The following CHFR variants were observed in gnomAD, a reference collection of about 807,000 sequenced individuals.
CHFR encodes E3 ubiquitin-protein ligase CHFR.
Under a neutral mutation model 87.6 loss-of-function variants are expected in CHFR, and 57 were observed. The ratio of observed to expected loss-of-function variants is 0.65; its 90% CI spans 0.53 to 0.81. The LOEUF (loss-of-function observed/expected upper bound fraction) is 0.81, where lower values mean the gene tolerates loss of function less well. Among genes scored for constraint, CHFR ranks in the 30% least tolerant of loss-of-function variants. CHFR has a pLI of 0.00. For synonymous variants in CHFR, 381 were observed against 359.2 expected (o/e 1.06, Z -0.69); for missense variants, 797 against 865.8 (o/e 0.92, Z 1.00).
intron 2 of CHFR, among the ~76,000 whole-genome samples, chr12:132,882,158 T>C (rs1009671785): frequency 6.6e-6 from 1 of 152,216 alleles, no homozygotes; most frequent in South Asian, 2.1e-4. Flanking sequence ...CATCCACTGG[T>C]TGTAAACTAA....
intron 12 of CHFR, chr12:132,849,162 T>C (rs1950888072): frequency 6.4e-6 from 1 of 155,636 alleles, no homozygotes; most frequent in Non-Finnish European, 1.4e-5. Context: ...TTGCCCAGGA[T>C]GGTTTCAAAC....
At chr12:132,870,531 CAAAAAAAA>C (rs376516972) in intron 5 of CHFR, among the ~76,000 whole-genome samples, 185 bp downstream of exon 5, 1 of 91,094 alleles carries the variant, frequency 1.1e-5, no homozygotes, top group Non-Finnish European at 2.1e-5. Flanking sequence ...AACTCCGTCT[CAAAAAAAA>C]AAAAAAAAAA....
chr12:132,885,492 T>C (rs1394771368), intron 2 of CHFR, among the ~76,000 whole-genome samples: 1 of 152,134 alleles, frequency 6.6e-6, no homozygotes. Context: ...TGTAGTATTT[T>C]GCTATGGTAG....
At chr12:132,882,416 A>C (rs564910193) in intron 2 of CHFR, among the ~76,000 whole-genome samples, 8 of 152,344 alleles carry the variant, frequency 5.3e-5, no homozygotes, top group African/African-American at 1.9e-4. Flanking sequence ...TCTTGACTGC[A>C]CTGGTGAGTA....
At chr12:132,886,536 T>C (rs1205049444) in intron 2 of CHFR, among the ~76,000 whole-genome samples, 1 of 152,130 alleles carries the variant, frequency 6.6e-6, no homozygotes, top group Non-Finnish European at 1.5e-5. Context: ...TCAGAGGAAA[T>C]CAAACAACCA....
chr12:132,859,818 G>A lies in CHFR; in HGVS notation c.752-591C>T, dbSNP rs533445244. Among the ~76,000 whole-genome samples the A allele has an allele frequency of 8.5e-5, 13 of 152,254 alleles. No homozygotes were observed. The East Asian group carries it at 2.5e-3, about 29-fold the overall frequency. On this transcript the variant is annotated intron_variant, in intron 7 of 17. Transcript: ENST00000450056. The stretch of plus-strand genomic sequence containing the variant: ...GCACTTTGGGAGGCTGAGGTGGGCA[G>A]ATCGCTTGAGCCCAGGAGTTCAAGA...
chr12:132,845,717 C>G (rs1299554479), intron 15 of CHFR, among the ~76,000 whole-genome samples: 1 of 152,124 alleles, frequency 6.6e-6, no homozygotes, highest in East Asian at 1.9e-4. Context: ...GTGTGCCCCC[C>G]TGGAGAGGAG....
intron 15 of CHFR, among the ~76,000 whole-genome samples, chr12:132,845,619 C>T (rs1038766261): frequency 1.2e-4 from 18 of 152,138 alleles, no homozygotes; most frequent in African/African-American, 4.3e-4. Context: ...CCCTGCACTC[C>T]AGCCTGGGCG....
Position 132,840,653 on chromosome 12 carries a change from C to G in CHFR, c.*901G>C, listed in dbSNP as rs1172254217. 6.5e-6 allele frequency: 1 copy of G among 152,688 alleles called. No individual in the cohort carries two copies. The highest frequency in any genetic ancestry group is 2.4e-5 in the African/African-American group (1 of 41,460). 9.5% of individuals were successfully genotyped at this position (152,688 alleles called of 1,614,324 possible). ...TCTGTAGGGTCTTGGAGGAAGGGCC[C>G]GGGCAGCATGAGGGAGCGGCGCGTC... On this transcript the variant is annotated 3_prime_UTR_variant, in exon 18 of 18. Transcript: ENST00000450056.
intron 3 of CHFR, among the ~76,000 whole-genome samples, chr12:132,876,563 A>T (rs1169906518): frequency 6.6e-6 from 1 of 152,236 alleles, no homozygotes; most frequent in African/African-American, 2.4e-5. Flanking sequence ...ATTAGTTTTA[A>T]AAAATGATTT....
rs1001272519 is a variant in CHFR, at chr12:132,838,398, G to C, written c.*3156C>G. 6.6e-6 allele frequency: 1 copy of C among 152,322 alleles called. No homozygotes were observed. Among genetic ancestry groups the C allele is most frequent in the Non-Finnish European group, 1.5e-5 (1 of 68,096 alleles). 9.4% of individuals were successfully genotyped at this position (152,322 alleles called of 1,614,324 possible). ...GCTATGACAGAGGCCATCCCAGAGA[G>C]GCCTCACTGGGGTGGACGGGTTCAC... On this transcript the variant is annotated 3_prime_UTR_variant, in exon 18 of 18. Coordinates refer to ENST00000450056, the MANE Select transcript of CHFR (RefSeq NM_001161346.2).
intron 7 of CHFR, among the ~76,000 whole-genome samples, chr12:132,859,649 C>A (rs1951171002): frequency 1.3e-5 from 2 of 152,128 alleles, no homozygotes; most frequent in South Asian, 4.1e-4. Context: ...CGCGCCCCAC[C>A]CTCTTCTGGT....
At position 132,887,306 on chromosome 12, in the gene CHFR, T is replaced by C. The variant is rs1381686714; in HGVS notation, c.23A>G (p.Lys8Arg). 4.7e-6 allele frequency: 7 copies of C among 1,479,880 alleles called. No homozygotes were observed. The Admixed American group carries it at 1.7e-4, about 35-fold the overall frequency. 91.7% of individuals were successfully genotyped at this position (1,479,880 alleles called of 1,614,324 possible). A position where few individuals can be genotyped will look rare whatever the true frequency, so the allele number is the denominator to read the frequency against. Residue 8 changes from lysine (K) to arginine (R), a missense_variant, in exon 2 of 18, where the codon AAG becomes AGG. By Grantham distance (26) the Lys-to-Arg change is conservative. Coordinates refer to ENST00000450056, the MANE Select transcript of CHFR (RefSeq NM_001161346.2). ...CCAGGGCTGCGGCGGCGGCGACTGC[T>C]TGCCTTCCTCGGGCCGCTCCATCGG... MERPEEG[K>R]QSPPPQPWGR...
At position 132,856,358 on chromosome 12, in the gene CHFR, C is replaced by T. The variant is rs1296970049; in HGVS notation, c.1229+110G>A. ...CATTTAAGAGCTTGGCTGCTCAGGG[C>T]AGAACTAGATCTCAGGACCCATGCT... is the stretch of plus-strand genomic sequence containing the variant. On this transcript the variant is annotated intron_variant, in intron 10 of 17. Coordinates refer to ENST00000450056, the MANE Select transcript of CHFR (RefSeq NM_001161346.2). The T allele has an allele frequency of 5.0e-6, 6 of 1,196,524 alleles. No individual in the cohort carries two copies. The East Asian group carries it at 1.2e-4, about 23-fold the overall frequency. 74.1% of individuals were successfully genotyped at this position (1,196,524 alleles called of 1,614,324 possible). A position where few individuals can be genotyped will look rare whatever the true frequency, so the allele number is the denominator to read the frequency against.
In CHFR at chr12:132,848,173, C is replaced by T; in HGVS notation, c.1577-18G>A. ...GTTGAGCTCTGCCGAGATGAAGGGG[C>T]AATGTTACCTGTTTATAATGATGTC... On this transcript the variant is annotated intron_variant, in intron 13 of 17. Transcript: ENST00000450056. 1 of 1,613,980 alleles carries T rather than the reference C, an allele frequency of 6.2e-7. No individual in the cohort carries two copies. Among genetic ancestry groups the T allele is most frequent in the Non-Finnish European group, 8.5e-7 (1 of 1,179,954 alleles).
intron 3 of CHFR, among the ~76,000 whole-genome samples, chr12:132,875,674 C>T (rs1951614784): frequency 6.6e-6 from 1 of 152,194 alleles, no homozygotes; most frequent in African/African-American, 2.4e-5. Context: ...CTGACACAGA[C>T]TTCCCTTCCG....
intron 3 of CHFR, 132 bp downstream of exon 3, chr12:132,877,423 A>G: frequency 1.8e-6 from 1 of 548,538 alleles, no homozygotes; most frequent in Non-Finnish European, 3.2e-6. Flanking sequence ...GCTGTTATAA[A>G]AATGAGCCGC....
chr12:132,859,032 C>A, intron 8 of CHFR, 36 bp downstream of exon 8: 1 of 1,594,650 alleles, frequency 6.3e-7, no homozygotes. Context: ...ACCTGCAGTG[C>A]CATGTTCCGT....
chr12:132,876,887 C>T (rs967770189), intron 3 of CHFR, among the ~76,000 whole-genome samples: 17 of 152,174 alleles, frequency 1.1e-4, no homozygotes, highest in African/African-American at 3.1e-4. Flanking sequence ...CTCCGACTCC[C>T]GGGTTCAAGT....
Sources: allele counts gnomAD v4.1 joint callset (sites outside exome capture counted in the v4.1 genomes callset), GRCh38; gene constraint gnomAD v4.1.1; transcripts MANE v1.5; gene names NCBI Gene and HGNC (gene_info 2026-07-23, HGNC 2026-07-21).